Variants in CPPED1 observed in about 807,000 individuals in gnomAD.
CPPED1 encodes the protein calcineurin like phosphoesterase domain containing 1, also known as serine/threonine-protein phosphatase CPPED1.
Under a neutral mutation model 28.0 loss-of-function variants are expected in CPPED1, and 28 were observed. That is an observed-to-expected ratio of 1.00 (90% confidence interval 0.74 to 1.37). The LOEUF (loss-of-function observed/expected upper bound fraction) is 1.37, where lower values mean the gene tolerates loss of function less well. Among genes scored for constraint, CPPED1 ranks in the 40% most tolerant of loss-of-function variants. The probability of loss-of-function intolerance (pLI) is 0.00; values close to 1 mark genes in which losing one functional copy is unlikely to be tolerated. For synonymous variants in CPPED1, 198 were observed against 180.2 expected (o/e 1.10, Z -0.79); for missense variants, 504 against 416.5 (o/e 1.21, Z -1.83).
chr16:12,729,834 T>C (rs1007167683), intron 2 of CPPED1, among the ~76,000 whole-genome samples: 1 of 152,152 alleles, frequency 6.6e-6, no homozygotes, highest in African/African-American at 2.4e-5. Context: ...GGAAAGTACA[T>C]GGACAAGTAG....
In CPPED1 at chr16:12,781,213, C is replaced by A. The variant is rs546065654; in HGVS notation, c.261G>T (p.Leu87=). The A allele has an allele frequency of 6.2e-7, 1 of 1,613,870 alleles. No individual in the cohort carries two copies. Among genetic ancestry groups the A allele is most frequent in the Non-Finnish European group, 8.5e-7 (1 of 1,179,912 alleles). ...KLNPKPKFFV[L]CGDLIHAMPG... ...GCATGGCGTGGATGAGGTCGCCGCACAGAACGAAGAATTTGGGTTTGGGGT... is the reference window on the plus strand; with the variant it reads ...GCATGGCGTGGATGAGGTCGCCGCAAAGAACGAAGAATTTGGGTTTGGGGT... Residue 87 remains leucine (L), a synonymous_variant, in exon 2 of 4, where the codon CTG becomes CTT. Transcript: ENST00000381774.
chr16:12,781,442 G>A (rs1407347946), intron 1 of CPPED1, 39 bp from the exon 2 acceptor site: 25 of 1,584,136 alleles, frequency 1.6e-5, no homozygotes, highest in Non-Finnish European at 2.0e-5. Flanking sequence ...GAGAAATCTT[G>A]TAAAATCTGT....
chr16:12,665,218 A>ACTG, intron 3 of CPPED1, 103 bp from the exon 4 acceptor site: 2 of 946,944 alleles, frequency 2.1e-6, no homozygotes, highest in Non-Finnish European at 3.0e-6. Flanking sequence ...TAAATATATT[A>ACTG]TTATACCATC....
In CPPED1 at chr16:12,698,283, AT is replaced by A. The variant is rs2080002597; in HGVS notation, c.715+6340del. On this transcript the variant is annotated intron_variant, in intron 3 of 3. Coordinates refer to ENST00000381774, the MANE Select transcript of CPPED1 (RefSeq NM_018340.3). ...CTAGGGGCTGGCCTTACAGAGGTGAATAAGGCTGGGCTTCTGTTTCCTGGAG... is the reference window on the plus strand; with the variant it reads ...CTAGGGGCTGGCCTTACAGAGGTGAAAAGGCTGGGCTTCTGTTTCCTGGAG... 2.0e-5 allele frequency among the ~76,000 whole-genome samples: 3 copies of A among 152,190 alleles called. No homozygotes were observed. The South Asian group carries it at 6.2e-4, about 32-fold the overall frequency.
intron 3 of CPPED1, among the ~76,000 whole-genome samples, chr16:12,686,351 G>A (rs1027244962): frequency 1.3e-5 from 2 of 151,916 alleles, no homozygotes; most frequent in Non-Finnish European, 2.9e-5. Flanking sequence ...CTACAGGCAT[G>A]AGCCACCATG....
chr16:12,705,827 T>C (rs772849374), intron 2 of CPPED1, among the ~76,000 whole-genome samples: 6 of 152,224 alleles, frequency 3.9e-5, no homozygotes, highest in Non-Finnish European at 8.8e-5. Flanking sequence ...TCTTTCACTG[T>C]TGAATACCAA....
rs757181968 is a variant in CPPED1 at position 12,704,784 on chromosome 16, C to A, written c.555G>T (p.Leu185=). The A allele has an allele frequency of 6.2e-7, 1 of 1,614,228 alleles. No homozygotes were observed. The highest frequency in any genetic ancestry group is 1.1e-5 in the South Asian group (1 of 91,080). ...GCCTCGCGATGCTCAGCTGCTCGTC[C>A]AGCCACTGGTCCTGAGCCTGCTTCA... ...PSLKQAQDQW[L]DEQLSIARQR... Residue 185 remains leucine (L), a synonymous_variant, in exon 3 of 4, where the codon CTG becomes CTT. Coordinates refer to ENST00000381774, the MANE Select transcript of CPPED1 (RefSeq NM_018340.3).
At chr16:12,750,125 G>A (rs558655292) in intron 2 of CPPED1, among the ~76,000 whole-genome samples, 10 of 152,222 alleles carry the variant, frequency 6.6e-5, no homozygotes, top group Non-Finnish European at 1.2e-4. Flanking sequence ...CTTCCATCCC[G>A]ACCACTAAAA....
intron 3 of CPPED1, among the ~76,000 whole-genome samples, chr16:12,686,324 T>A (rs2079933287): frequency 6.6e-6 from 1 of 151,936 alleles, no homozygotes; most frequent in Non-Finnish European, 1.5e-5. Context: ...CTCCCTCAGC[T>A]TCCCCAGTAG....
At chr16:12,715,520 C>G (rs1040133562) in intron 2 of CPPED1, among the ~76,000 whole-genome samples, 1 of 151,992 alleles carries the variant, frequency 6.6e-6, no homozygotes, top group Admixed American at 6.6e-5. Flanking sequence ...ATTAGGCAGG[C>G]ATGGTGGCAC....
chr16:12,739,708 C>G (rs2141210185), intron 2 of CPPED1, among the ~76,000 whole-genome samples: 1 of 152,236 alleles, frequency 6.6e-6, no homozygotes, highest in East Asian at 1.9e-4. Flanking sequence ...TAGAGGATGC[C>G]AAAGCAACAA....
At chr16:12,694,732 G>C (rs1274279186) in intron 3 of CPPED1, among the ~76,000 whole-genome samples, 1 of 46,530 alleles carries the variant, frequency 2.1e-5, no homozygotes, top group Non-Finnish European at 3.4e-5. Context: ...AAAAAAAGGT[G>C]GGGGGGGGGG....
intron 2 of CPPED1, among the ~76,000 whole-genome samples, chr16:12,774,884 T>C (rs1269036171): frequency 6.6e-6 from 1 of 152,144 alleles, no homozygotes; most frequent in Admixed American, 6.6e-5. Context: ...TGCAGTGGCA[T>C]GATCACGGCT....
At position 12,712,159 on chromosome 16, in the gene CPPED1, G is replaced by A. The variant is rs1480762669; in HGVS notation, c.290-7110C>T. ...TGTCCTGCAGACAGATGGATACATG[G>A]ATGAGACAGTGCTTAGGCCCTTGCA... On this transcript the variant is annotated intron_variant, in intron 2 of 3. Transcript: ENST00000381774. Among the ~76,000 whole-genome samples, 7 of 152,340 alleles carry A rather than the reference G, an allele frequency of 4.6e-5. No individual in the cohort carries two copies. The South Asian group carries it at 8.3e-4, about 18-fold the overall frequency.
rs1217993574 is a variant in CPPED1 at position 12,665,082 on chromosome 16, C to A, written c.749G>T (p.Arg250Met). 6.2e-7 allele frequency: 1 copy of A among 1,605,360 alleles called. No individual in the cohort carries two copies. Among genetic ancestry groups the A allele is most frequent in the African/African-American group, 1.4e-5 (1 of 74,034 alleles). Residue 250 changes from arginine to methionine, a missense_variant, in exon 4 of 4, where the codon AGG becomes ATG. Coordinates refer to ENST00000381774, the MANE Select transcript of CPPED1 (RefSeq NM_018340.3). ...VKVVFSGHYH[R>M]NAGGTYQNLD... is the part of the protein sequence containing the mutation. ...GTTCTGGTAGGTACCCCCGGCATTC[C>A]TGTGGTAGTGGCCTGAGAACACGAC... is the stretch of plus-strand genomic sequence containing the variant.
At chr16:12,680,586 C>T (rs1611887) in intron 3 of CPPED1, among the ~76,000 whole-genome samples, 8,061 of 152,188 alleles carry the variant, frequency 0.053, 244 homozygotes, top group Non-Finnish European at 0.069. Flanking sequence ...AGAGACAGCC[C>T]CCAGGGAAGA....
chr16:12,724,571 T>A (rs952920819), intron 2 of CPPED1, among the ~76,000 whole-genome samples: 1 of 152,158 alleles, frequency 6.6e-6, no homozygotes, highest in African/African-American at 2.4e-5. Flanking sequence ...CACTGACACC[T>A]TACATCATCC....
At chr16:12,801,963 G>A (rs2080662724) in intron 1 of CPPED1, among the ~76,000 whole-genome samples, 1 of 152,154 alleles carries the variant, frequency 6.6e-6, no homozygotes, top group Non-Finnish European at 1.5e-5. Flanking sequence ...TTGACCTTCA[G>A]GGGTGGGGAG....
At chr16:12,705,746 G>A (rs1490199293) in intron 2 of CPPED1, among the ~76,000 whole-genome samples, 2 of 152,146 alleles carry the variant, frequency 1.3e-5, no homozygotes, top group Admixed American at 6.5e-5. Flanking sequence ...CAACAAGAGC[G>A]AATCTCTGCC....
Sources: allele counts gnomAD v4.1 joint callset (sites outside exome capture counted in the v4.1 genomes callset), GRCh38; gene constraint gnomAD v4.1.1; transcripts MANE v1.5; gene names NCBI Gene and HGNC (gene_info 2026-07-23, HGNC 2026-07-21).